The following GEMIN2 variants were observed in gnomAD, a reference collection of about 807,000 sequenced individuals.
GEMIN2 encodes the protein gem nuclear organelle associated protein 2.
GEMIN2 carries 37 observed loss-of-function variants against 45.8 expected under a neutral mutation model. That is an observed-to-expected ratio of 0.81 (90% CI 0.62 to 1.06). The LOEUF is 1.06. GEMIN2 is among the 50% of genes least tolerant of loss of function. The pLI is 0.00. For missense variants in GEMIN2, 335 were observed against 321.8 expected, an observed-to-expected ratio of 1.04 and a Z score of -0.31; for synonymous variants, 101 against 111.5, an observed-to-expected ratio of 0.91 and a Z score of 0.60.
rs1453954490 is a variant in GEMIN2, at chr14:39,114,370, A to T, written c.32A>T (p.Glu11Val). The change falls in exon 1 of 10, where the codon GAA becomes GTA. Residue 11 changes from glutamate to valine, a missense_variant. Transcript: ENST00000308317. ...TGGGTACCAGCGGAGTCCGCAGTGGAAGAGTTGATGCCTCGGCTATTGCCG... is the reference window on the plus strand; with the variant it reads ...TGGGTACCAGCGGAGTCCGCAGTGGTAGAGTTGATGCCTCGGCTATTGCCG... MAWVPAESAV[E>V]ELMPRLLPVE... 16 of 1,613,622 alleles carry T rather than the reference A, an allele frequency of 9.9e-6. No individual in the cohort carries two copies. The highest frequency in any genetic ancestry group is 1.3e-5 in the African/African-American group (1 of 74,922).
At chr14:39,126,182 G>A (rs999263067) in intron 6 of GEMIN2, among the ~76,000 whole-genome samples, 14 of 150,316 alleles carry the variant, frequency 9.3e-5, no homozygotes, top group Non-Finnish European at 1.9e-4. Flanking sequence ...ACCTTTGGAA[G>A]CCTTTTTTTT....
intron 4 of GEMIN2, among the ~76,000 whole-genome samples, 191 bp from the exon 5 acceptor site, chr14:39,122,239 A>G (rs915332114): frequency 2.6e-5 from 4 of 152,154 alleles, no homozygotes; most frequent in African/African-American, 9.7e-5. Context: ...CTCCAAATAC[A>G]GTCACATTCT....
chr14:39,117,336 C>T (rs56074634), intron 2 of GEMIN2, among the ~76,000 whole-genome samples: 14,269 of 151,318 alleles, frequency 0.094, 828 homozygotes, highest in African/African-American at 0.16. Flanking sequence ...TACATTTTGC[C>T]CATACCAAAG....
intron 6 of GEMIN2, among the ~76,000 whole-genome samples, chr14:39,127,622 G>A (rs1175712531): frequency 3.3e-5 from 5 of 151,998 alleles, no homozygotes; most frequent in South Asian, 4.1e-4. Context: ...TTACTGGCAA[G>A]AGCCACTGAG....
chr14:39,118,734 CA>C, intron 4 of GEMIN2, 135 bp downstream of exon 4: 1 of 432,466 alleles, frequency 2.3e-6, no homozygotes, highest in Non-Finnish European at 4.3e-6. Context: ...TTAATAGTAA[CA>C]ATTCATTACA....
intron 9 of GEMIN2, among the ~76,000 whole-genome samples, chr14:39,134,787 T>TA (rs1203310271): frequency 6.6e-6 from 1 of 152,140 alleles, no homozygotes; most frequent in Non-Finnish European, 1.5e-5. Flanking sequence ...TAGTAAGTGT[T>TA]AGAGTAATGA....
intron 7 of GEMIN2, among the ~76,000 whole-genome samples, chr14:39,129,531 A>T (rs1301679964): frequency 1.3e-5 from 2 of 152,016 alleles, no homozygotes; most frequent in Non-Finnish European, 2.9e-5. Flanking sequence ...CTCCTGCCTC[A>T]GCCTCCCAAG....
chr14:39,136,287 T>A lies in GEMIN2; in HGVS notation c.771-153T>A, dbSNP rs560592417. Among the ~76,000 whole-genome samples the A allele has an allele frequency of 2.0e-5, 3 of 152,352 alleles. No individual in the cohort carries two copies. In the South Asian group the frequency reaches 6.2e-4, roughly 32 times the overall value. On this transcript the variant is annotated intron_variant, in intron 9 of 9. Transcript: ENST00000308317. Reference sequence around the variant, plus strand: ...AATATTTCCCTCATTTCTCTTTTTATGGCTTCATAATTTTCCACTATGTAG... The same window carrying A: ...AATATTTCCCTCATTTCTCTTTTTAAGGCTTCATAATTTTCCACTATGTAG...
At chr14:39,125,459 C>A (rs1261151947) in intron 6 of GEMIN2, among the ~76,000 whole-genome samples, 1 of 152,012 alleles carries the variant, frequency 6.6e-6, no homozygotes, top group African/African-American at 2.4e-5. Flanking sequence ...TTTTTCCCAC[C>A]ATGCCTGGCT....
At chr14:39,117,392 C>T (rs1253115973) in intron 2 of GEMIN2, among the ~76,000 whole-genome samples, 1 of 151,926 alleles carries the variant, frequency 6.6e-6, no homozygotes, top group Non-Finnish European at 1.5e-5. Context: ...TAATTTCATG[C>T]TTTATCACGC....
At chr14:39,127,438 G>A (rs2052659012) in intron 6 of GEMIN2, among the ~76,000 whole-genome samples, 2 of 148,512 alleles carry the variant, frequency 1.3e-5, no homozygotes, top group Admixed American at 1.4e-4. Flanking sequence ...TGCCTCCCAG[G>A]TTCAAGGGAT....
chr14:39,121,156 T>C (rs1294708456), intron 4 of GEMIN2, among the ~76,000 whole-genome samples: 4 of 151,316 alleles, frequency 2.6e-5, no homozygotes, highest in African/African-American at 4.9e-5. Context: ...GTGCATTTTT[T>C]CCCCCATACT....
chr14:39,120,735 C>A (rs1294103563), intron 4 of GEMIN2, among the ~76,000 whole-genome samples: 2 of 152,180 alleles, frequency 1.3e-5, no homozygotes, highest in African/African-American at 2.4e-5. Flanking sequence ...TCAAGCAATT[C>A]TCCTGCCTCA....
At chr14:39,119,866 C>T (rs2052554425) in intron 4 of GEMIN2, among the ~76,000 whole-genome samples, 1 of 152,184 alleles carries the variant, frequency 6.6e-6, no homozygotes, top group Non-Finnish European at 1.5e-5. Context: ...AAGAAGCATG[C>T]GCACATAAAC....
At chr14:39,129,982 C>A (rs1221502790) in intron 7 of GEMIN2, among the ~76,000 whole-genome samples, 1 of 141,260 alleles carries the variant, frequency 7.1e-6, no homozygotes, top group Non-Finnish European at 1.5e-5. Context: ...ACTCTGTCAC[C>A]CAGGCTGCAG....
intron 7 of GEMIN2, among the ~76,000 whole-genome samples, chr14:39,131,508 T>C (rs2052715073): frequency 6.6e-6 from 1 of 152,212 alleles, no homozygotes; most frequent in African/African-American, 2.4e-5. Context: ...AAAGTATTTA[T>C]AAAAGTGTCA....
rs574992805 is a variant in GEMIN2, at chr14:39,130,686, G to C, written c.601-1272G>C. On this transcript the variant is annotated intron_variant, in intron 7 of 9. Transcript: ENST00000308317. ...AGGTGGGCGGATCACTTGAGGTCAG[G>C]AGTTCGACACCAGCCTGGCCAACAT... Among the ~76,000 whole-genome samples, 4 of 152,134 alleles carry C rather than the reference G, an allele frequency of 2.6e-5. 1 individual carries two copies. The highest frequency in any genetic ancestry group is 9.6e-5 in the African/African-American group (4 of 41,500).
intron 2 of GEMIN2, among the ~76,000 whole-genome samples, chr14:39,117,204 G>A (rs1241563267): frequency 1.3e-5 from 2 of 151,280 alleles, no homozygotes; most frequent in Admixed American, 6.6e-5. Flanking sequence ...CCCGGGAGAC[G>A]GAGATTGCAG....
rs1172671276 is a variant in GEMIN2, at chr14:39,136,778, CTTTT to C, written c.*303_*306del. On this transcript the variant is annotated 3_prime_UTR_variant, in exon 10 of 10. Coordinates refer to ENST00000308317, the MANE Select transcript of GEMIN2 (RefSeq NM_003616.3). ...CATAGGTTCTTGGTGCTGTTTTGTT[CTTTT>C]TTTGTTTTTTGTTGTTTTGTTATTT... is the stretch of plus-strand genomic sequence containing the variant. The C allele has an allele frequency of 4.1e-5, 11 of 268,654 alleles. No individual in the cohort carries two copies. Among genetic ancestry groups the C allele is most frequent in the East Asian group, 1.4e-4 (2 of 14,364 alleles). 16.6% of individuals were successfully genotyped at this position (268,654 alleles called of 1,614,324 possible). A position where few individuals can be genotyped will look rare whatever the true frequency, so the allele number is the denominator to read the frequency against.
Sources: allele counts gnomAD v4.1 joint callset (sites outside exome capture counted in the v4.1 genomes callset), GRCh38; gene constraint gnomAD v4.1.1; transcripts MANE v1.5; gene names NCBI Gene and HGNC (gene_info 2026-07-23, HGNC 2026-07-21).